OCA2: variants seen among roughly 807,000 people sequenced by gnomAD.
OCA2 encodes OCA2 melanosomal transmembrane protein.
Under a neutral mutation model 100.2 loss-of-function variants are expected in OCA2, and 77 were observed. That is an observed-to-expected ratio of 0.77 (90% CI 0.64 to 0.93). The LOEUF is 0.93. Ranked by LOEUF, OCA2 falls within the 40% of genes least tolerant of loss-of-function variation. The pLI, the probability that OCA2 is intolerant of heterozygous loss-of-function variation, is 0.00. For missense variants in OCA2, 1,062 were observed against 1,089.1 expected, an observed-to-expected ratio of 0.98 and a Z score of 0.35; for synonymous variants, 432 against 439.2, an observed-to-expected ratio of 0.98 and a Z score of 0.21.
chr15:27,806,006 T>C (rs566943245), intron 23 of OCA2, among the ~76,000 whole-genome samples: 35 of 152,326 alleles, frequency 2.3e-4, no homozygotes, highest in African/African-American at 8.4e-4. Context: ...TGACAAACTA[T>C]TTAGAAAGTA....
At chr15:27,900,137 A>C (rs1230072875) in intron 19 of OCA2, among the ~76,000 whole-genome samples, 2 of 152,194 alleles carry the variant, frequency 1.3e-5, no homozygotes, top group Admixed American at 6.5e-5. Flanking sequence ...TGAGCTATTC[A>C]AGCAAAGCTA....
chr15:27,782,045 G>A (rs768300302), intron 23 of OCA2, among the ~76,000 whole-genome samples: 3 of 152,166 alleles, frequency 2.0e-5, no homozygotes, highest in Non-Finnish European at 2.9e-5. Context: ...TTATTTTGAA[G>A]AAGAACTGGA....
At chr15:27,942,023 G>A (rs2039665605) in intron 18 of OCA2, among the ~76,000 whole-genome samples, 1 of 152,112 alleles carries the variant, frequency 6.6e-6, no homozygotes, top group South Asian at 2.1e-4. Context: ...GCTGGTGAAA[G>A]TGTGGAGAAA....
At chr15:27,740,384 C>T in the OCA2 span, among the ~76,000 whole-genome samples, 28 of 152,038 alleles carry the variant, frequency 1.8e-4, 1 homozygote, top group African/African-American at 5.3e-4. Flanking sequence ...AGACACAACC[C>T]GGGAGCCACA....
At chr15:27,989,946 C>T (rs375042371) in intron 10 of OCA2, among the ~76,000 whole-genome samples, 36 of 152,302 alleles carry the variant, frequency 2.4e-4, no homozygotes, top group African/African-American at 7.7e-4. Context: ...GGTTACATTC[C>T]GAGTGGAGTC....
chr15:27,862,579 A>G (rs2036179138), intron 21 of OCA2, among the ~76,000 whole-genome samples: 1 of 150,556 alleles, frequency 6.6e-6, no homozygotes, highest in Admixed American at 6.6e-5. Flanking sequence ...GGTTCAAGCC[A>G]TTCCCCTGCC....
At chr15:27,929,825 A>AATTTTTTTTTTTTTTTTTT (rs71132826) in intron 18 of OCA2, among the ~76,000 whole-genome samples, 1 of 149,226 alleles carries the variant, frequency 6.7e-6, no homozygotes, top group Non-Finnish European at 1.5e-5. Flanking sequence ...CAAATGGGAA[A>AATTTTTTTTTTTTTTTTTT]TATTTTAAAC....
chr15:27,844,864 AT>A, intron 23 of OCA2, 94 bp downstream of exon 23: 1 of 905,364 alleles, frequency 1.1e-6, no homozygotes, highest in South Asian at 1.4e-5. Context: ...TGCTAAAAAT[AT>A]GCTTATTTTA....
chr15:27,997,183 A>G (rs191301079), intron 9 of OCA2, among the ~76,000 whole-genome samples: 1 of 150,552 alleles, frequency 6.6e-6, no homozygotes, highest in Admixed American at 6.7e-5. Context: ...AGGAGAGAGA[A>G]AGAAAAGAAG....
intron 2 of OCA2, among the ~76,000 whole-genome samples, chr15:28,039,223 G>A (rs891973013): frequency 3.9e-5 from 6 of 152,146 alleles, no homozygotes; most frequent in Non-Finnish European, 8.8e-5. Context: ...ATACTTCACT[G>A]TTAATAATGG....
At chr15:27,995,446 G>A (rs138041214) in intron 9 of OCA2, among the ~76,000 whole-genome samples, 14 of 152,272 alleles carry the variant, frequency 9.2e-5, no homozygotes, top group African/African-American at 1.9e-4. Flanking sequence ...AGGCTGGAGT[G>A]CAGTGGTGCA....
intron 23 of OCA2, among the ~76,000 whole-genome samples, chr15:27,772,691 A>G (rs1347903441): frequency 6.6e-6 from 1 of 152,058 alleles, no homozygotes; most frequent in Non-Finnish European, 1.5e-5. Flanking sequence ...AAATACAAAA[A>G]TTAGCTGGGT....
intron 23 of OCA2, among the ~76,000 whole-genome samples, chr15:27,824,285 T>A (rs2034615292): frequency 6.6e-6 from 1 of 152,002 alleles, no homozygotes; most frequent in South Asian, 2.1e-4. Context: ...GGAGAATTGC[T>A]TGAACCTGGG....
At chr15:27,988,390 C>T (rs2041432663) in intron 11 of OCA2, among the ~76,000 whole-genome samples, 1 of 151,954 alleles carries the variant, frequency 6.6e-6, no homozygotes, top group East Asian at 1.9e-4. Flanking sequence ...GGAGTGAGGG[C>T]GTTGAAGGAG....
chr15:27,850,790 G>A (rs1372453009), intron 22 of OCA2, among the ~76,000 whole-genome samples: 1 of 152,058 alleles, frequency 6.6e-6, no homozygotes, highest in Non-Finnish European at 1.5e-5. Flanking sequence ...ATCCCCCTGT[G>A]TTCCCAAAGG....
rs772183728 is a variant in OCA2 at position 28,073,232 on chromosome 15, G to A, written c.227+8416C>T. On this transcript the variant is annotated intron_variant, in intron 2 of 23. Transcript: ENST00000354638. ...AGTTTGAGACCAGCCTGGCCAACAC[G>A]GTGAAACCCCGTCTCTATTAAAAAT... is the stretch of plus-strand genomic sequence containing the variant. 1.2e-4 allele frequency among the ~76,000 whole-genome samples: 18 copies of A among 152,220 alleles called. No individual in the cohort carries two copies. The East Asian group carries it at 3.1e-3, about 26-fold the overall frequency.
chr15:27,824,591 T>G (rs1284847172), intron 23 of OCA2, among the ~76,000 whole-genome samples: 1 of 73,560 alleles, frequency 1.4e-5, no homozygotes, highest in Non-Finnish European at 2.2e-5. Context: ...TCTCTCTCTC[T>G]CTCTCTCTCT....
At chr15:27,786,579 A>G (rs979368470) in intron 23 of OCA2, among the ~76,000 whole-genome samples, 4 of 152,130 alleles carry the variant, frequency 2.6e-5, no homozygotes, top group African/African-American at 9.6e-5. Flanking sequence ...TCACTTTTAG[A>G]TTATTGTTAT....
At chr15:27,954,140 CACACACACACACACACACA>C (rs2040135015) in intron 17 of OCA2, among the ~76,000 whole-genome samples, 4 of 147,514 alleles carry the variant, frequency 2.7e-5, no homozygotes, top group South Asian at 4.3e-4. Context: ...CACACACACA[CACACACACACACACACACA>C]CCTAGGGTCA....
Sources: gnomAD v4.1 joint callset for allele counts (sites outside exome capture counted in the v4.1 genomes callset) on GRCh38, gnomAD v4.1.1 for gene constraint, MANE v1.5 for transcripts, NCBI Gene and HGNC (gene_info 2026-07-23, HGNC 2026-07-21) for gene names.